Variants in ZPLD1 observed in about 807,000 individuals in gnomAD.
ZPLD1 encodes zona pellucida-like domain-containing protein 1.
In ZPLD1, 34 loss-of-function variants were observed where a neutral mutation model predicts 47.2. The ratio of observed to expected loss-of-function variants is 0.72; its 90% CI spans 0.55 to 0.96. The LOEUF is 0.96. Ranked by LOEUF, ZPLD1 falls within the 40% of genes least tolerant of loss-of-function variation. The pLI is 0.00. For synonymous variants in ZPLD1, 176 were observed against 186.2 expected, an observed-to-expected ratio of 0.95 and a Z score of 0.45; for missense variants, 512 against 505.8, an observed-to-expected ratio of 1.01 and a Z score of -0.12.
At chr3:102,414,661 C>A (rs138401986) in intron 7 of ZPLD1, among the ~76,000 whole-genome samples, 1 of 151,390 alleles carries the variant, frequency 6.6e-6, no homozygotes, top group African/African-American at 2.4e-5. Context: ...TAAATAACTG[C>A]GAAGAAATTA....
chr3:102,414,377 G>A (rs1039133476), intron 7 of ZPLD1, among the ~76,000 whole-genome samples: 2 of 151,714 alleles, frequency 1.3e-5, no homozygotes, highest in South Asian at 4.1e-4. Flanking sequence ...AGATTTGCTG[G>A]AAATACAAAC....
intron 3 of ZPLD1, among the ~76,000 whole-genome samples, chr3:102,439,998 C>T (rs761458241): frequency 1.7e-4 from 26 of 152,220 alleles, no homozygotes; most frequent in Non-Finnish European, 3.2e-4. Flanking sequence ...GTTCTGACAC[C>T]GGATTTGGCC....
chr3:102,406,026 T>C (rs143913581), intron 7 of ZPLD1, among the ~76,000 whole-genome samples: 1 of 151,994 alleles, frequency 6.6e-6, no homozygotes, highest in African/African-American at 2.4e-5. Flanking sequence ...TAACTGTCTT[T>C]GGAAATGTAA....
At chr3:102,458,561 T>A (rs1707455416) in intron 6 of ZPLD1, among the ~76,000 whole-genome samples, 1 of 152,232 alleles carries the variant, frequency 6.6e-6, no homozygotes. Context: ...GATTTTTGCA[T>A]TATTATTCAT....
intron 3 of ZPLD1, among the ~76,000 whole-genome samples, chr3:102,449,816 C>A (rs1707309659): frequency 6.6e-6 from 1 of 152,152 alleles, no homozygotes; most frequent in African/African-American, 2.4e-5. Flanking sequence ...TGGTTTCAGG[C>A]ACCCACTGGG....
chr3:102,442,140 C>T (rs1314134804), intron 3 of ZPLD1, among the ~76,000 whole-genome samples: 2 of 152,104 alleles, frequency 1.3e-5, no homozygotes, highest in East Asian at 1.9e-4. Flanking sequence ...CTTCTAATTA[C>T]AAGTTTTCTA....
At chr3:102,387,850 CT>C (rs1023132648) in intron 6 of ZPLD1, among the ~76,000 whole-genome samples, 986 of 80,518 alleles carry the variant, frequency 0.012, no homozygotes, top group East Asian at 0.024. Context: ...CTGAGAAATT[CT>C]TTTTTTTTTT....
chr3:102,386,968 A>G (rs746429253), intron 6 of ZPLD1, among the ~76,000 whole-genome samples: 1 of 152,144 alleles, frequency 6.6e-6, no homozygotes, highest in Non-Finnish European at 1.5e-5. Context: ...TCTTGATGGA[A>G]TATTTTTTGA....
At chr3:102,431,541 A>G (rs963604273), upstream of ZPLD1, among the ~76,000 whole-genome samples, 3 of 152,218 alleles carry the variant, frequency 2.0e-5, no homozygotes, top group African/African-American at 7.2e-5. Flanking sequence ...TAAAGAATAT[A>G]GAGCTTCAGT....
intron 7 of ZPLD1, among the ~76,000 whole-genome samples, chr3:102,404,829 T>A (rs1485059441): frequency 2.0e-5 from 3 of 152,018 alleles, no homozygotes; most frequent in South Asian, 4.1e-4. Flanking sequence ...AGGATCAAAA[T>A]GTGCAGATGA....
intron 7 of ZPLD1, among the ~76,000 whole-genome samples, chr3:102,399,740 A>G (rs1706598197): frequency 6.6e-6 from 1 of 152,178 alleles, no homozygotes; most frequent in South Asian, 2.1e-4. Context: ...CATTTTTTGA[A>G]TTAGAATTAC....
At position 102,479,469 on chromosome 3, in the gene ZPLD1, G is replaced by A. The variant is rs149090880; in HGVS notation, c.*1851G>A. 1.1e-4 allele frequency: 16 copies of A among 152,118 alleles called. No individual in the cohort carries two copies. The East Asian group carries it at 2.5e-3, about 24-fold the overall frequency. 9.4% of individuals were successfully genotyped at this position (152,118 alleles called of 1,614,324 possible). A position where few individuals can be genotyped will look rare whatever the true frequency, so the allele number is the denominator to read the frequency against. ...AATTTGATTTTTATGCTTTTGGAAC[G>A]GCTGCTGTTTCAGCTGTTGGCCTTT... On this transcript the variant is annotated 3_prime_UTR_variant, in exon 12 of 12. Transcript: ENST00000466937.
chr3:102,411,190 G>C (rs1706744252), intron 7 of ZPLD1, among the ~76,000 whole-genome samples: 1 of 151,750 alleles, frequency 6.6e-6, no homozygotes, highest in South Asian at 2.1e-4. Flanking sequence ...GGGAAAAAAA[G>C]ATGAGAGCTG....
At chr3:102,445,022 C>A (rs947163426) in intron 3 of ZPLD1, among the ~76,000 whole-genome samples, 18 of 152,162 alleles carry the variant, frequency 1.2e-4, no homozygotes, top group Non-Finnish European at 2.6e-4. Flanking sequence ...TTGCTCTGGA[C>A]TCCTTGACCA....
At chr3:102,433,162 T>G (rs1428916185), upstream of ZPLD1, among the ~76,000 whole-genome samples, 2 of 152,212 alleles carry the variant, frequency 1.3e-5, no homozygotes. Context: ...CAATAATTAT[T>G]TGATCAGTAT....
intron 3 of ZPLD1, among the ~76,000 whole-genome samples, chr3:102,446,880 ATGT>A (rs889867322): frequency 7.9e-5 from 12 of 152,120 alleles, no homozygotes; most frequent in Non-Finnish European, 1.3e-4. Flanking sequence ...TCTTTTGTTA[ATGT>A]TGTTATCTCA....
At chr3:102,470,746 A>ACG (rs1707670851) in intron 10 of ZPLD1, among the ~76,000 whole-genome samples, 3 of 151,170 alleles carry the variant, frequency 2.0e-5, no homozygotes, top group Non-Finnish European at 4.4e-5. Context: ...ACACACACAC[A>ACG]CGCACACACG....
chr3:102,453,168 G>T (rs1360246231), intron 4 of ZPLD1, 29 bp downstream of exon 4: 2 of 1,578,656 alleles, frequency 1.3e-6, no homozygotes, highest in South Asian at 2.2e-5. Flanking sequence ...TGTGTGCTAG[G>T]TCTGGGGTCA....
intron 9 of ZPLD1, 129 bp from the exon 10 acceptor site, chr3:102,470,265 A>C (rs574237758): frequency 2.9e-6 from 2 of 686,194 alleles, no homozygotes; most frequent in East Asian, 5.4e-5. Flanking sequence ...TAATTAAATA[A>C]ATGCACGGAA....
Sources: gnomAD v4.1 joint callset for allele counts (sites outside exome capture counted in the v4.1 genomes callset) on GRCh38, gnomAD v4.1.1 for gene constraint, MANE v1.5 for transcripts, NCBI Gene and HGNC (gene_info 2026-07-23, HGNC 2026-07-21) for gene names.